Variants in GOSR1 observed in about 807,000 individuals in gnomAD.
GOSR1 encodes 28 kDa Golgi SNARE protein.
In GOSR1, 21 loss-of-function variants were observed where a neutral mutation model predicts 35.5. That is an observed-to-expected ratio of 0.59 (90% CI 0.42 to 0.85). GOSR1 has a LOEUF of 0.85. Among genes scored for constraint, GOSR1 ranks in the 40% least tolerant of loss-of-function variants. The probability of loss-of-function intolerance (pLI) is 0.00; values close to 1 mark genes in which losing one functional copy is unlikely to be tolerated. For synonymous variants in GOSR1, 94 were observed against 106.6 expected (o/e 0.88, Z 0.73); for missense variants, 285 against 309.6 (o/e 0.92, Z 0.60).
In GOSR1 at chr17:30,507,722, CAAAAAAA is replaced by C. The variant is rs57856074; in HGVS notation, c.510-3143_510-3137del. On this transcript the variant is annotated intron_variant, in intron 6 of 8. Transcript: ENST00000451249. ...AGGGCGACACAGCAAGACTCTGTCT[CAAAAAAA>C]AAAAAAAAAAAAAAGTTAGAAAGCG... Among the ~76,000 whole-genome samples, 413 of 125,582 alleles carry C rather than the reference CAAAAAAA, an allele frequency of 3.3e-3. 1 individual carries two copies. The highest frequency in any genetic ancestry group is 3.8e-3 in the Non-Finnish European group (217 of 56,568). 82.4% of individuals were successfully genotyped at this position (125,582 alleles called of 152,430 possible). A position where few individuals can be genotyped will look rare whatever the true frequency, so the allele number is the denominator to read the frequency against.
At position 30,502,990 on chromosome 17, in the gene GOSR1, G is replaced by A. The variant is rs145739986; in HGVS notation, c.510-7890G>A. Among the ~76,000 whole-genome samples the A allele has an allele frequency of 5.3e-5, 8 of 152,300 alleles. No individual in the cohort carries two copies. In the East Asian group the frequency reaches 1.3e-3, roughly 26 times the overall value. On this transcript the variant is annotated intron_variant, in intron 6 of 8. Transcript: ENST00000451249. ...ATGCTTAATGTAAATGGTCTGATTG[G>A]TTAGTGACAACCTCATCAATTATTG...
intron 6 of GOSR1, among the ~76,000 whole-genome samples, chr17:30,504,829 A>G (rs578011214): frequency 6.6e-6 from 1 of 152,294 alleles, no homozygotes; most frequent in East Asian, 1.9e-4. Context: ...AATTATAATG[A>G]GTTTATTTTC....
At chr17:30,522,131 A>C (rs1033718101) in intron 8 of GOSR1, 123 bp from the exon 9 acceptor site, 2 of 746,578 alleles carry the variant, frequency 2.7e-6, no homozygotes, top group Non-Finnish European at 2.2e-6. Flanking sequence ...CCTTGGTGTG[A>C]GTTTCTTCCC....
chr17:30,507,539 A>G (rs1303938912), intron 6 of GOSR1, among the ~76,000 whole-genome samples: 3 of 152,182 alleles, frequency 2.0e-5, no homozygotes, highest in Admixed American at 2.0e-4. Flanking sequence ...CCTGGCCAAC[A>G]TAGTGAAACC....
chr17:30,501,398 A>G (rs58596731), intron 6 of GOSR1, among the ~76,000 whole-genome samples: 4 of 152,146 alleles, frequency 2.6e-5, no homozygotes, highest in Admixed American at 6.5e-5. Flanking sequence ...TAGAAGGAAC[A>G]CTGAAGGAAG....
intron 6 of GOSR1, among the ~76,000 whole-genome samples, chr17:30,509,633 C>T (rs1474783133): frequency 6.6e-6 from 1 of 152,210 alleles, no homozygotes; most frequent in Non-Finnish European, 1.5e-5. Context: ...CCTACTTCTG[C>T]TGTAAAGATG....
At chr17:30,519,742 AT>A (rs566111160) in intron 7 of GOSR1, 196 bp from the exon 8 acceptor site, 185 of 494,202 alleles carry the variant, frequency 3.7e-4, no homozygotes, top group African/African-American at 3.2e-3. Context: ...ATAAAAAGAT[AT>A]CAGAGAACAG....
intron 2 of GOSR1, 38 bp from the exon 3 acceptor site, chr17:30,484,171 CTGATT>C (rs1793159333): frequency 2.1e-6 from 2 of 957,430 alleles, no homozygotes; most frequent in Non-Finnish European, 3.4e-6. Flanking sequence ...TTTTAAAGGA[CTGATT>C]TGAGTAATGG....
At chr17:30,487,101 A>G (rs1597762560) in intron 4 of GOSR1, among the ~76,000 whole-genome samples, 1 of 152,278 alleles carries the variant, frequency 6.6e-6, no homozygotes, top group East Asian at 1.9e-4. Context: ...GTTTGATACT[A>G]GAGAAAAAAA....
At chr17:30,495,804 A>G (rs1470725029) in intron 6 of GOSR1, among the ~76,000 whole-genome samples, 3 of 152,204 alleles carry the variant, frequency 2.0e-5, no homozygotes, top group South Asian at 4.1e-4. Flanking sequence ...TGCCAGCCCA[A>G]TCCAGTCTGT....
At chr17:30,495,487 T>G in intron 6 of GOSR1, 1 of 454,078 alleles carries the variant, frequency 2.2e-6, no homozygotes, top group Non-Finnish European at 4.4e-6. Flanking sequence ...AGAAAAAGCC[T>G]CATCTCTTCT....
intron 7 of GOSR1, chr17:30,519,622 G>C (rs879516042): frequency 5.8e-5 from 11 of 189,652 alleles, no homozygotes; most frequent in Non-Finnish European, 1.2e-4. Context: ...ACTTTTTAAA[G>C]TTTTTAAACT....
rs1218670543 is a variant in GOSR1, at chr17:30,524,313, ACT to A, written c.*1938_*1939del. 3 of 152,150 alleles carry A rather than the reference ACT, an allele frequency of 2.0e-5. No homozygotes were observed. Among genetic ancestry groups the A allele is most frequent in the Non-Finnish European group, 4.4e-5 (3 of 68,040 alleles). The allele number at this position is 152,150 out of a possible 1,614,324, so 9.4% of individuals were successfully genotyped here. A position where few individuals can be genotyped will look rare whatever the true frequency, so the allele number is the denominator to read the frequency against. ...TTGATGATCTGTGCTATAGATTTCT[ACT>A]CTGTCTCCTCAACTCTGTTGATATT... On this transcript the variant is annotated 3_prime_UTR_variant, in exon 9 of 9. Coordinates refer to ENST00000451249, the MANE Select transcript of GOSR1 (RefSeq NM_001007025.2).
At chr17:30,495,514 A>G in intron 6 of GOSR1, 1 of 448,026 alleles carries the variant, frequency 2.2e-6, no homozygotes, top group Admixed American at 2.4e-5. Context: ...CTTTAATGCC[A>G]GTGGTCATCA....
chr17:30,500,829 G>A (rs574615078), intron 6 of GOSR1, among the ~76,000 whole-genome samples: 1 of 151,752 alleles, frequency 6.6e-6, no homozygotes, highest in African/African-American at 2.4e-5. Flanking sequence ...CTTAACAACT[G>A]TAAATCTTCC....
chr17:30,488,346 AGTAGAGATGGGGTTTCACC>A (rs1181716935), intron 4 of GOSR1, among the ~76,000 whole-genome samples: 1 of 150,840 alleles, frequency 6.6e-6, no homozygotes, highest in African/African-American at 2.4e-5. Flanking sequence ...TTGTATTTTT[AGTAGAGATGGGGTTTCACC>A]GTGTTAGCCA....
At chr17:30,497,458 T>G (rs1967043176) in intron 6 of GOSR1, among the ~76,000 whole-genome samples, 1 of 152,170 alleles carries the variant, frequency 6.6e-6, no homozygotes, top group Non-Finnish European at 1.5e-5. Context: ...GGTAAGAACC[T>G]TTAAATTCTC....
rs764253750 is a variant in GOSR1 at position 30,477,433 on chromosome 17, G to A, written c.-1G>A. On this transcript the variant is annotated 5_prime_UTR_variant, in exon 1 of 9. Transcript: ENST00000451249. Reference sequence around the variant, plus strand: ...ATCCCGGCTGACGTTGGACGACAAAGATGGCGGCAGGGACCAGCAGTTACT... The same window carrying A: ...ATCCCGGCTGACGTTGGACGACAAAAATGGCGGCAGGGACCAGCAGTTACT... 6.2e-7 allele frequency: 1 copy of A among 1,609,830 alleles called. No individual in the cohort carries two copies. The highest frequency in any genetic ancestry group is 8.5e-7 in the Non-Finnish European group (1 of 1,177,638).
chr17:30,477,482 T>G lies in GOSR1; in HGVS notation c.31+18T>G, dbSNP rs1232098213. 1 of 1,605,340 alleles carries G rather than the reference T, an allele frequency of 6.2e-7. No homozygotes were observed. Among genetic ancestry groups the G allele is most frequent in the Non-Finnish European group, 8.5e-7 (1 of 1,174,832 alleles). On this transcript the variant is annotated intron_variant, in intron 1 of 8. Coordinates refer to ENST00000451249, the MANE Select transcript of GOSR1 (RefSeq NM_001007025.2). ...CTGGGAAGGTGAGGGCGAGAAGGCC[T>G]CCGGGTGCGTCCTACGAGGGTGAGA...
Sources: allele counts gnomAD v4.1 joint callset (sites outside exome capture counted in the v4.1 genomes callset), GRCh38; gene constraint gnomAD v4.1.1; transcripts MANE v1.5; gene names NCBI Gene and HGNC (gene_info 2026-07-23, HGNC 2026-07-21).